The following TPTE2 variants were observed in gnomAD, a reference collection of about 807,000 sequenced individuals.
TPTE2 encodes the protein phosphatidylinositol 3,4,5-trisphosphate 3-phosphatase TPTE2.
In TPTE2, 53 loss-of-function variants were observed where a neutral mutation model predicts 78.6. The observed-to-expected ratio is 0.67, with a 90% CI of 0.54 to 0.85. The LOEUF (loss-of-function observed/expected upper bound fraction) is 0.85. TPTE2 is among the 40% of genes least tolerant of loss of function. The pLI, the probability that TPTE2 is intolerant of heterozygous loss-of-function variation, is 0.00. For missense variants in TPTE2, 461 were observed against 623.0 expected (o/e 0.74, Z 2.77); for synonymous variants, 175 against 206.2 (o/e 0.85, Z 1.30).
At chr13:19,523,073 T>C (rs1870269279) in intron 1 of TPTE2, among the ~76,000 whole-genome samples, 1 of 152,174 alleles carries the variant, frequency 6.6e-6, no homozygotes, top group African/African-American at 2.4e-5. Context: ...AAAGATAGCC[T>C]TGTGCATGGG....
At chr13:19,453,221 G>T (rs918936636) in intron 10 of TPTE2, among the ~76,000 whole-genome samples, 1 of 151,548 alleles carries the variant, frequency 6.6e-6, no homozygotes, top group South Asian at 2.1e-4. Flanking sequence ...TAGAGACAGG[G>T]TTTCACCATG....
rs752364936 is a variant in TPTE2 at position 19,435,498 on chromosome 13, G to A, written c.1116+728C>T. ...GTGGCTGGCGCCGGCTGAAATGACT[G>A]TTGCAGCAATGTGATGACTACATGA... On this transcript the variant is annotated intron_variant, in intron 15 of 19. Coordinates refer to ENST00000400230, the Ensembl canonical transcript of TPTE2. Among the ~76,000 whole-genome samples the A allele has an allele frequency of 9.2e-5, 14 of 152,110 alleles. 1 individual carries two copies. The highest frequency in any genetic ancestry group is 7.9e-4 in the Admixed American group (12 of 15,270).
intron 1 of TPTE2, among the ~76,000 whole-genome samples, chr13:19,518,873 G>A (rs1415996836): frequency 6.6e-6 from 1 of 152,174 alleles, no homozygotes; most frequent in African/African-American, 2.4e-5. Flanking sequence ...AGAGATGGGT[G>A]ACTATAGAAA....
At chr13:19,424,595 A>C (rs566437999) in intron 19 of TPTE2, among the ~76,000 whole-genome samples, 15 of 152,266 alleles carry the variant, frequency 9.9e-5, no homozygotes, top group Non-Finnish European at 1.8e-4. Flanking sequence ...GTCATTGGTA[A>C]ATCAGCACCT....
the TPTE2 span, among the ~76,000 whole-genome samples, chr13:19,546,982 A>G: frequency 9.9e-5 from 15 of 152,262 alleles, no homozygotes; most frequent in South Asian, 2.9e-3. Context: ...ACTTAAAATT[A>G]CCTAATAATG....
intron 1 of TPTE2, among the ~76,000 whole-genome samples, chr13:19,524,623 T>C (rs1593419199): frequency 6.6e-6 from 1 of 152,336 alleles, no homozygotes; most frequent in South Asian, 2.1e-4. Context: ...ACAAACTTTA[T>C]ACTCAGGAAG....
At chr13:19,503,524 C>T (rs138936662), upstream of TPTE2, among the ~76,000 whole-genome samples, 121 of 152,270 alleles carry the variant, frequency 7.9e-4, no homozygotes, top group African/African-American at 2.6e-3. Context: ...TTTATTATGA[C>T]CTCAGTCCCA....
upstream of TPTE2, among the ~76,000 whole-genome samples, chr13:19,537,197 A>T: frequency 1.3e-5 from 2 of 148,964 alleles, no homozygotes; most frequent in African/African-American, 2.5e-5. Flanking sequence ...ATGCTATGGC[A>T]TTTGCCCACT....
At chr13:19,446,766 C>A (rs1726541697) in intron 13 of TPTE2, among the ~76,000 whole-genome samples, 1 of 152,040 alleles carries the variant, frequency 6.6e-6, no homozygotes, top group African/African-American at 2.4e-5. Flanking sequence ...CACAGTGAGA[C>A]CCTGTCTCTA....
chr13:19,480,193 G>C (rs1226327155), intron 4 of TPTE2, among the ~76,000 whole-genome samples: 1 of 151,968 alleles, frequency 6.6e-6, no homozygotes, highest in Non-Finnish European at 1.5e-5. Context: ...TTTTTCTCTG[G>C]TACAGACTCT....
At chr13:19,461,588 A>G (rs1361344618) in intron 10 of TPTE2, among the ~76,000 whole-genome samples, 1 of 152,192 alleles carries the variant, frequency 6.6e-6, no homozygotes, top group South Asian at 2.1e-4. Flanking sequence ...TCCGGTGGTA[A>G]GAGTGGGGTG....
chr13:19,438,931 C>A (rs1035786762), intron 13 of TPTE2, among the ~76,000 whole-genome samples: 1 of 152,188 alleles, frequency 6.6e-6, no homozygotes, highest in African/African-American at 2.4e-5. Context: ...CACCTTTCCA[C>A]TGGAGATCCA....
chr13:19,490,782 G>T (rs1880945035), intron 3 of TPTE2, among the ~76,000 whole-genome samples: 1 of 152,300 alleles, frequency 6.6e-6, no homozygotes, highest in Admixed American at 6.5e-5. Context: ...GAGACCAGGG[G>T]TCTATTAGCT....
chr13:19,527,559 A>T (rs1458121750), intron 1 of TPTE2, among the ~76,000 whole-genome samples: 1 of 152,142 alleles, frequency 6.6e-6, no homozygotes, highest in Non-Finnish European at 1.5e-5. Context: ...AACATGCTAC[A>T]TGAGAGAAAC....
At chr13:19,462,851 C>T (rs56996989) in intron 10 of TPTE2, among the ~76,000 whole-genome samples, 16,189 of 150,436 alleles carry the variant, frequency 0.11, 1,005 homozygotes, top group Middle Eastern at 0.21. Context: ...GACGAATATT[C>T]CCTCTTTTTG....
rs1184367230 is a variant in TPTE2, at chr13:19,466,787, G to A, written c.512+438C>T. ...GAAAAATCCAGACAGAACATTATGT[G>A]TAAGGGATTTGTAGTTGAAGCACAG... On this transcript the variant is annotated intron_variant, in intron 7 of 19. Coordinates refer to ENST00000400230, the Ensembl canonical transcript of TPTE2. Among the ~76,000 whole-genome samples the A allele has an allele frequency of 4.6e-5, 7 of 152,188 alleles. No individual in the cohort carries two copies. The South Asian group carries it at 1.0e-3, about 22-fold the overall frequency.
chr13:19,450,004 A>G (rs1878072285), intron 13 of TPTE2, 72 bp downstream of exon 16: 1 of 1,553,660 alleles, frequency 6.4e-7, no homozygotes. Context: ...AGCAATACGT[A>G]TCTTGTTCTT....
chr13:19,497,361 A>C, intron 1 of TPTE2, among the ~76,000 whole-genome samples: 1 of 135,100 alleles, frequency 7.4e-6, no homozygotes, highest in Non-Finnish European at 1.6e-5. Context: ...ACAGACAAAC[A>C]AAAAGACAGC....
chr13:19,482,676 A>T, intron 3 of TPTE2, 129 bp from the exon 7 acceptor site: 10 of 1,130,622 alleles, frequency 8.8e-6, no homozygotes, highest in Non-Finnish European at 1.2e-5. Context: ...GACTTAGCTC[A>T]CTGGAAGACC....
Sources: allele counts gnomAD v4.1 joint callset (sites outside exome capture counted in the v4.1 genomes callset), GRCh38; gene constraint gnomAD v4.1.1; transcripts MANE v1.5; gene names NCBI Gene and HGNC (gene_info 2026-07-23, HGNC 2026-07-21).